Variants in C12orf42 observed in about 807,000 individuals in gnomAD.
The protein encoded by C12orf42 is uncharacterized protein C12orf42.
In C12orf42, 25 loss-of-function variants were observed where a neutral mutation model predicts 21.6. That is an observed-to-expected ratio of 1.16 (90% CI 0.84 to 1.62). The LOEUF is 1.62. C12orf42 is among the 40% of genes most tolerant of loss of function. The pLI is 0.00. For missense variants in C12orf42, 483 were observed against 459.3 expected, an observed-to-expected ratio of 1.05 and a Z score of -0.47; for synonymous variants, 174 against 175.0, an observed-to-expected ratio of 0.99 and a Z score of 0.05.
chr12:103,495,702 C>G (rs1358335819), intron 1 of C12orf42, 200 bp downstream of exon 1: 13 of 152,158 alleles, frequency 8.5e-5, no homozygotes, highest in African/African-American at 1.4e-4. Context: ...CCCCCACCCC[C>G]CTGCCCCGAG....
the C12orf42 span, among the ~76,000 whole-genome samples, chr12:103,170,881 A>T: frequency 6.6e-6 from 1 of 152,204 alleles, no homozygotes; most frequent in Non-Finnish European, 1.5e-5. Flanking sequence ...GATATCTTAA[A>T]GATCATCTAG....
the C12orf42 span, among the ~76,000 whole-genome samples, chr12:103,208,310 G>A: frequency 3.3e-5 from 5 of 152,126 alleles, no homozygotes; most frequent in African/African-American, 9.7e-5. Context: ...GATTACTTCT[G>A]GGGCTGATGG....
chr12:103,495,498 G>C (rs1359838776), intron 1 of C12orf42, among the ~76,000 whole-genome samples: 1 of 152,068 alleles, frequency 6.6e-6, no homozygotes, highest in Non-Finnish European at 1.5e-5. Flanking sequence ...GGGCGGCGGT[G>C]GCATCGCTGC....
intron 2 of C12orf42, among the ~76,000 whole-genome samples, chr12:103,437,995 C>G (rs1448658220): frequency 6.6e-6 from 1 of 150,524 alleles, no homozygotes; most frequent in African/African-American, 2.4e-5. Flanking sequence ...AGCATCGATG[C>G]AAAAATCCTC....
the C12orf42 span, among the ~76,000 whole-genome samples, chr12:103,519,834 G>A: frequency 2.0e-5 from 3 of 152,148 alleles, no homozygotes; most frequent in African/African-American, 7.2e-5. Context: ...CCAGCCATGA[G>A]GAATGAGGCT....
chr12:103,078,962 G>T, the C12orf42 span, among the ~76,000 whole-genome samples: 2 of 152,094 alleles, frequency 1.3e-5, no homozygotes, highest in Admixed American at 6.6e-5. Context: ...TGTATATCTG[G>T]TTTGAACACT....
At chr12:103,159,010 AT>A in the C12orf42 span, among the ~76,000 whole-genome samples, 9 of 148,920 alleles carry the variant, frequency 6.0e-5, no homozygotes, top group East Asian at 2.0e-4. Flanking sequence ...AGAAAAAAAA[AT>A]TTTCCATCAA....
chr12:103,156,466 TGCAATTATG>T, the C12orf42 span, among the ~76,000 whole-genome samples: 102 of 152,272 alleles, frequency 6.7e-4, no homozygotes, highest in African/African-American at 2.4e-3. Flanking sequence ...TGTTTTAATG[TGCAATTATG>T]TGAATAAATA....
the C12orf42 span, among the ~76,000 whole-genome samples, chr12:103,223,204 G>A: frequency 6.6e-6 from 1 of 152,090 alleles, no homozygotes; most frequent in Non-Finnish European, 1.5e-5. Context: ...TTGGGGGGTG[G>A]TATGGAGAGA....
chr12:103,125,317 C>G, the C12orf42 span, among the ~76,000 whole-genome samples: 1 of 152,078 alleles, frequency 6.6e-6, no homozygotes, highest in African/African-American at 2.4e-5. Flanking sequence ...AGAGGTGATA[C>G]TAAAAAAACC....
the C12orf42 span, among the ~76,000 whole-genome samples, chr12:103,165,910 G>A: frequency 2.6e-5 from 4 of 152,108 alleles, no homozygotes; most frequent in African/African-American, 4.8e-5. Flanking sequence ...GCGTGGTGGC[G>A]GGTGCCTGTA....
chr12:103,148,360 G>T, the C12orf42 span, among the ~76,000 whole-genome samples: 2 of 152,272 alleles, frequency 1.3e-5, no homozygotes, highest in East Asian at 3.9e-4. Context: ...AGTATGTTTT[G>T]CTTTCATTCA....
chr12:103,048,986 C>T, the C12orf42 span, among the ~76,000 whole-genome samples: 4 of 152,298 alleles, frequency 2.6e-5, no homozygotes, highest in South Asian at 8.3e-4. Flanking sequence ...TGACTAGTGG[C>T]TACCATACTG....
intron 2 of C12orf42, among the ~76,000 whole-genome samples, chr12:103,464,797 T>C (rs1375138213): frequency 3.3e-5 from 5 of 152,194 alleles, no homozygotes; most frequent in African/African-American, 1.2e-4. Flanking sequence ...TAGCCAGTTC[T>C]CCCAGCACCA....
chr12:103,276,272 C>G (rs956786383), intron 5 of C12orf42, among the ~76,000 whole-genome samples: 1 of 152,144 alleles, frequency 6.6e-6, no homozygotes, highest in African/African-American at 2.4e-5. Flanking sequence ...AAGCATTATA[C>G]TTAATGAAAA....
chr12:103,517,693 A>T, the C12orf42 span, among the ~76,000 whole-genome samples: 1 of 152,008 alleles, frequency 6.6e-6, no homozygotes, highest in African/African-American at 2.4e-5. Flanking sequence ...ATTTTTTTTC[A>T]ATGAGAATGT....
intron 4 of C12orf42, among the ~76,000 whole-genome samples, chr12:103,316,207 A>G (rs1173623346): frequency 7.5e-6 from 1 of 134,068 alleles, no homozygotes; most frequent in Non-Finnish European, 1.5e-5. Flanking sequence ...CACACACACT[A>G]TTTTTATTTG....
the C12orf42 span, among the ~76,000 whole-genome samples, chr12:103,204,342 G>T: frequency 7.2e-5 from 11 of 152,110 alleles, no homozygotes; most frequent in African/African-American, 2.7e-4. Flanking sequence ...CATTTTTCCA[G>T]CTTGTACATG....
the C12orf42 span, among the ~76,000 whole-genome samples, chr12:103,058,619 A>T: frequency 6.6e-6 from 1 of 152,230 alleles, no homozygotes; most frequent in African/African-American, 2.4e-5. Flanking sequence ...AAAGAACAGA[A>T]ATTATAACAG....
Sources: gnomAD v4.1 joint callset for allele counts (sites outside exome capture counted in the v4.1 genomes callset) on GRCh38, gnomAD v4.1.1 for gene constraint, MANE v1.5 for transcripts, NCBI Gene and HGNC (gene_info 2026-07-23, HGNC 2026-07-21) for gene names.